MRPS28: variants seen among roughly 807,000 people sequenced by gnomAD.
MRPS28 encodes the protein small ribosomal subunit protein bS1m.
Under a neutral mutation model 10.8 loss-of-function variants are expected in MRPS28, and 7 were observed. The observed-to-expected ratio is 0.65, with a 90% CI of 0.37 to 1.22. MRPS28 has a LOEUF of 1.22. Ranked by LOEUF, MRPS28 falls within the 50% of genes most tolerant of loss-of-function variation. MRPS28 has a pLI of 0.02. For missense variants in MRPS28, 265 were observed against 232.9 expected, an observed-to-expected ratio of 1.14 and a Z score of -0.90; for synonymous variants, 121 against 93.3, an observed-to-expected ratio of 1.30 and a Z score of -1.71.
At chr8:79,937,411 T>TA (rs1383459159) in intron 2 of MRPS28, among the ~76,000 whole-genome samples, 3 of 152,206 alleles carry the variant, frequency 2.0e-5, no homozygotes, top group African/African-American at 7.2e-5. Context: ...AGAAAAATCT[T>TA]AGATTTATCA....
At chr8:80,005,996 A>T (rs1281315417) in intron 1 of MRPS28, among the ~76,000 whole-genome samples, 2 of 152,314 alleles carry the variant, frequency 1.3e-5, no homozygotes, top group Admixed American at 1.3e-4. Context: ...AAGTCCTTAG[A>T]GACCTACAAA....
intron 2 of MRPS28, among the ~76,000 whole-genome samples, chr8:79,993,303 G>A (rs1474667129): frequency 6.6e-6 from 1 of 152,166 alleles, no homozygotes; most frequent in Non-Finnish European, 1.5e-5. Flanking sequence ...TCACAGTCCT[G>A]AGAAGGCATA....
At chr8:79,986,497 A>T (rs1014433392) in intron 2 of MRPS28, among the ~76,000 whole-genome samples, 22 of 152,376 alleles carry the variant, frequency 1.4e-4, no homozygotes, top group South Asian at 6.2e-4. Flanking sequence ...CCCTGTTTGC[A>T]GATGACATGA....
intron 2 of MRPS28, among the ~76,000 whole-genome samples, chr8:79,959,710 T>G (rs1176932165): frequency 3.3e-5 from 5 of 152,072 alleles, no homozygotes; most frequent in Non-Finnish European, 7.4e-5. Context: ...ACCATCCAAA[T>G]AGCAAATCTA....
chr8:79,986,640 CAGAG>C (rs1308342212), intron 2 of MRPS28, among the ~76,000 whole-genome samples: 2 of 151,932 alleles, frequency 1.3e-5, no homozygotes, highest in African/African-American at 4.8e-5. Context: ...AACAGACAAA[CAGAG>C]AGCCAAATCA....
chr8:80,027,762 G>C (rs1052631403), intron 1 of MRPS28, among the ~76,000 whole-genome samples: 1 of 152,156 alleles, frequency 6.6e-6, no homozygotes, highest in South Asian at 2.1e-4. Flanking sequence ...CCTCCCCAGG[G>C]AATTTTATTT....
At chr8:80,005,605 T>C (rs1286760739) in intron 1 of MRPS28, among the ~76,000 whole-genome samples, 2 of 152,184 alleles carry the variant, frequency 1.3e-5, no homozygotes, top group Non-Finnish European at 2.9e-5. Flanking sequence ...GCTAACATCA[T>C]AATGACAGGA....
intron 2 of MRPS28, among the ~76,000 whole-genome samples, chr8:79,960,486 G>A (rs1807348093): frequency 1.3e-5 from 2 of 152,114 alleles, no homozygotes; most frequent in South Asian, 4.1e-4. Context: ...GTACCAGACT[G>A]TCTCAATGTA....
intron 2 of MRPS28, among the ~76,000 whole-genome samples, chr8:79,926,795 T>A (rs1810244450): frequency 6.6e-6 from 1 of 152,180 alleles, no homozygotes. Flanking sequence ...TCACAGAATA[T>A]CTGTGGAATA....
chr8:79,926,536 T>C (rs911238799), intron 2 of MRPS28, among the ~76,000 whole-genome samples: 5 of 152,194 alleles, frequency 3.3e-5, no homozygotes, highest in South Asian at 2.1e-4. Context: ...TAAAGTACAA[T>C]AGGCAACCAA....
At chr8:80,019,808 A>C (rs1029636378) in intron 1 of MRPS28, among the ~76,000 whole-genome samples, 22 of 152,228 alleles carry the variant, frequency 1.4e-4, no homozygotes, top group Non-Finnish European at 1.5e-4. Flanking sequence ...GTTAATATAC[A>C]AAAAACTATG....
chr8:79,937,280 A>G (rs1205713579), intron 2 of MRPS28, among the ~76,000 whole-genome samples: 1 of 152,242 alleles, frequency 6.6e-6, no homozygotes, highest in Admixed American at 6.5e-5. Context: ...AAGTTACATT[A>G]ATATTTTCCT....
intron 2 of MRPS28, among the ~76,000 whole-genome samples, chr8:79,937,910 G>T (rs899209630): frequency 6.6e-5 from 10 of 152,196 alleles, no homozygotes; most frequent in African/African-American, 2.4e-4. Context: ...GCAATAAAAA[G>T]TGTCCTGGTT....
At chr8:80,013,328 C>T (rs1809103547) in intron 1 of MRPS28, among the ~76,000 whole-genome samples, 1 of 151,980 alleles carries the variant, frequency 6.6e-6, no homozygotes, top group African/African-American at 2.4e-5. Flanking sequence ...TACCCAGTTA[C>T]CTCTTTTAAT....
chr8:79,956,204 C>T (rs972157242), intron 2 of MRPS28, among the ~76,000 whole-genome samples: 4 of 152,010 alleles, frequency 2.6e-5, no homozygotes, highest in African/African-American at 9.7e-5. Flanking sequence ...TCTTATCTTA[C>T]AATTGCAGAG....
intron 2 of MRPS28, among the ~76,000 whole-genome samples, chr8:79,955,265 T>C (rs1205745919): frequency 1.3e-5 from 2 of 152,160 alleles, no homozygotes; most frequent in Admixed American, 6.6e-5. Context: ...AATAAACTTA[T>C]TGCTGAACCT....
chr8:79,941,646 A>G (rs1236059905), intron 2 of MRPS28, among the ~76,000 whole-genome samples: 1 of 152,184 alleles, frequency 6.6e-6, no homozygotes, highest in Non-Finnish European at 1.5e-5. Flanking sequence ...TTTATGTTCA[A>G]TTATTTTTTA....
At chr8:80,026,907 T>A (rs1374715384) in intron 1 of MRPS28, among the ~76,000 whole-genome samples, 1 of 152,098 alleles carries the variant, frequency 6.6e-6, no homozygotes, top group African/African-American at 2.4e-5. Flanking sequence ...TTATATTCAT[T>A]CATTAAGAAA....
At chr8:79,966,596 T>C (rs747144383) in intron 2 of MRPS28, among the ~76,000 whole-genome samples, 1 of 152,058 alleles carries the variant, frequency 6.6e-6, no homozygotes, top group Non-Finnish European at 1.5e-5. Flanking sequence ...CAAAAAATAA[T>C]GGAATCTAGA....
Sources: allele counts gnomAD v4.1 joint callset (sites outside exome capture counted in the v4.1 genomes callset), GRCh38; gene constraint gnomAD v4.1.1; transcripts MANE v1.5; gene names NCBI Gene and HGNC (gene_info 2026-07-23, HGNC 2026-07-21).